The following NISCH variants were observed in gnomAD, a reference collection of about 807,000 sequenced individuals.
NISCH encodes the protein nischarin.
A neutral mutation model predicts 138.4 loss-of-function variants in NISCH; 55 were observed. The observed-to-expected ratio is 0.40, with a 90% CI of 0.32 to 0.50. The LOEUF (loss-of-function observed/expected upper bound fraction) is 0.50, where lower values mean the gene tolerates loss of function less well. Ranked by LOEUF, NISCH falls within the 20% of genes least tolerant of loss-of-function variation. The pLI is 0.71. For missense variants in NISCH, 1,643 were observed against 2,005.5 expected (o/e 0.82, Z 3.45); for synonymous variants, 860 against 861.5 (o/e 1.00, Z 0.03).
Position 52,492,732 on chromosome 3 carries a change from G to A in NISCH, c.*250G>A, listed in dbSNP as rs957905702. 1.5e-5 allele frequency: 8 copies of A among 535,616 alleles called. No individual in the cohort carries two copies. The highest frequency in any genetic ancestry group is 3.8e-5 in the African/African-American group (2 of 53,284). 33.2% of individuals were successfully genotyped at this position (535,616 alleles called of 1,614,324 possible). On this transcript the variant is annotated 3_prime_UTR_variant, in exon 21 of 21. Transcript: ENST00000345716. ...TGGTACAGCCGTGCACACCAGTGTC[G>A]TGTCTGCTGTTGTGGGACCGTTGTT...
At chr3:52,471,204 C>G (rs962762362) in intron 4 of NISCH, 19 of 497,134 alleles carry the variant, frequency 3.8e-5, no homozygotes, top group Non-Finnish European at 2.9e-5. Flanking sequence ...GAAGCTGACC[C>G]TGGGTCCCAT....
intron 5 of NISCH, 101 bp downstream of exon 5, chr3:52,472,078 C>T (rs542494113): frequency 1.3e-4 from 177 of 1,329,544 alleles, no homozygotes; most frequent in Non-Finnish European, 1.4e-4. Context: ...CCATGGGGGA[C>T]TGTTGGTGGA....
At chr3:52,479,716 C>T (rs375350325) in intron 11 of NISCH, 33 bp from the exon 12 acceptor site, 1 of 1,480,742 alleles carries the variant, frequency 6.8e-7, no homozygotes, top group African/African-American at 1.4e-5. Flanking sequence ...ATCACCAGTC[C>T]CCATGCTGAT....
chr3:52,477,778 A>T, intron 9 of NISCH, 136 bp downstream of exon 9: 2 of 722,970 alleles, frequency 2.8e-6, no homozygotes. Context: ...TTAGGATCCC[A>T]GCAATGCACT....
intron 11 of NISCH, 91 bp downstream of exon 11, chr3:52,478,668 C>G: frequency 8.3e-7 from 1 of 1,204,844 alleles, no homozygotes. Context: ...GTCCATTGTT[C>G]TACCCTTGCC....
chr3:52,459,344 TC>T (rs1229177394), intron 3 of NISCH, among the ~76,000 whole-genome samples: 6 of 152,198 alleles, frequency 3.9e-5, no homozygotes, highest in South Asian at 2.1e-4. Context: ...AGCTCTGTAC[TC>T]CGTCCTTGAA....
rs537052749 is a variant in NISCH at position 52,488,127 on chromosome 3, A to T, written c.2635A>T (p.Ile879Phe). The T allele has an allele frequency of 6.2e-7, 1 of 1,613,098 alleles. No homozygotes were observed. Among genetic ancestry groups the T allele is most frequent in the Admixed American group, 1.7e-5 (1 of 60,006 alleles). Residue 879 changes from isoleucine to phenylalanine, a missense_variant, in exon 16 of 21, where the codon ATC becomes TTC. Physicochemically the swap from Ile to Phe is conservative, Grantham distance 21. Transcript: ENST00000345716. Reference sequence around the variant, plus strand: ...GGCCGCCGGGGACTACTCAGGCAACATCGAGTGGGCCAGCTGCACACTCTG... The same window carrying T: ...GGCCGCCGGGGACTACTCAGGCAACTTCGAGTGGGCCAGCTGCACACTCTG... ...QTAAGDYSGNIEWASCTLCSA... is the reference protein window; with the variant it reads ...QTAAGDYSGNFEWASCTLCSA...
chr3:52,458,807 C>T lies in NISCH; in HGVS notation c.323C>T (p.Pro108Leu). ...KLLAAFPGVTPRVLAHFLHFH... is the reference protein window; with the variant it reads ...KLLAAFPGVTLRVLAHFLHFH... Reference sequence around the variant, plus strand: ...CTGGCTGCCTTCCCTGGCGTGACCCCCAGAGTACTGGCCCACTTCTTGCAT... The same window carrying T: ...CTGGCTGCCTTCCCTGGCGTGACCCTCAGAGTACTGGCCCACTTCTTGCAT... Residue 108 changes from proline to leucine, a missense_variant, in exon 3 of 21, where the codon CCC (proline) becomes CTC (leucine). Physicochemically the swap from Pro to Leu is moderately conservative, Grantham distance 98. Transcript: ENST00000345716. The T allele has an allele frequency of 6.2e-7, 1 of 1,610,814 alleles. No homozygotes were observed. The highest frequency in any genetic ancestry group is 8.5e-7 in the Non-Finnish European group (1 of 1,179,476).
At position 52,478,032 on chromosome 3, in the gene NISCH, T is replaced by G; in HGVS notation, c.988-65T>G. 3 of 1,548,984 alleles carry G rather than the reference T, an allele frequency of 1.9e-6. No homozygotes were observed. In the South Asian group the frequency reaches 3.4e-5, roughly 18 times the overall value. ...GTTGGAAGGCCCATCCTGCCATTAG[T>G]GTCAGGCCCCTATCTTTGGAGACTT... On this transcript the variant is annotated intron_variant, in intron 9 of 20. Coordinates refer to ENST00000345716, the MANE Select transcript of NISCH (RefSeq NM_007184.4).
Position 52,489,346 on chromosome 3 carries a change from C to A in NISCH, c.3124C>A (p.Arg1042Ser). The A allele has an allele frequency of 6.2e-7, 1 of 1,611,694 alleles. No individual in the cohort carries two copies. The highest frequency in any genetic ancestry group is 8.5e-7 in the Non-Finnish European group (1 of 1,179,296). ...TTTCGGGGGATACAGCAATGACCAG[C>A]GTCCCCAGGAGGTCCCAGCAGAGGC... ...PAERRASNDQRPQEVPAEALA... is the reference protein window; with the variant it reads ...PAERRASNDQSPQEVPAEALA... Residue 1042 changes from arginine to serine, a missense_variant, in exon 17 of 21, where the codon CGT (arginine) becomes AGT (serine). By Grantham distance (110) the Arg-to-Ser change is moderately radical (BLOSUM62 -1). Coordinates refer to ENST00000345716, the MANE Select transcript of NISCH (RefSeq NM_007184.4).
chr3:52,478,012 A>G, intron 9 of NISCH, 85 bp from the exon 10 acceptor site: 2 of 1,425,442 alleles, frequency 1.4e-6, no homozygotes. Context: ...TTTGGGTTGG[A>G]AGGCCCATCC....
At chr3:52,478,411 G>A (rs749053683) in intron 10 of NISCH, 38 bp from the exon 11 acceptor site, 1 of 1,613,470 alleles carries the variant, frequency 6.2e-7, no homozygotes, top group Non-Finnish European at 8.5e-7. Flanking sequence ...GAAGTGTTAA[G>A]AGAAGGGACC....
Position 52,487,528 on chromosome 3 carries a change from A to G in NISCH, c.2036A>G (p.Glu679Gly), listed in dbSNP as rs761996085. 8 of 1,606,070 alleles carry G rather than the reference A, an allele frequency of 5.0e-6. No individual in the cohort carries two copies. In the South Asian group the frequency reaches 6.6e-5, roughly 13 times the overall value. Reference protein sequence around the residue: ...GQGEEEEEEEEDEEAEEERLA... With the variant: ...GQGEEEEEEEGDEEAEEERLA... ...GGGGAGGAAGAGGAGGAGGAAGAGG[A>G]GGATGAAGAGGCCGAGGAGGAGCGC... is the stretch of plus-strand genomic sequence containing the variant. The change falls in exon 16 of 21, where the codon GAG (glutamate) becomes GGG (glycine). Residue 679 changes from glutamate (E) to glycine (G), a missense_variant. Physicochemically the swap from Glu to Gly is moderately conservative, Grantham distance 98 (BLOSUM62 -2). Transcript: ENST00000345716. The surrounding 1 kb of genome is among the most constrained non-coding windows in gnomAD (Gnocchi z 9.1).
chr3:52,487,591 TC>T lies in NISCH; in HGVS notation c.2101del (p.Leu701CysfsTer15). On this transcript the variant is annotated frameshift_variant, in exon 16 of 21. Coordinates refer to ENST00000345716, the MANE Select transcript of NISCH (RefSeq NM_007184.4). LOFTEE classifies it high-confidence loss of function. This position sits in a 1 kb window ranked among gnomAD's most constrained non-coding sequence, Gnocchi z 9.1. ...LEWALGADED[F>X]LLEHIRILKV... ...TGGGCCCTGGGCGCGGACGAGGACT[TC>T]CTGCTGGAGCACATCCGCATCCTCA... The T allele has an allele frequency of 6.2e-7, 1 of 1,613,672 alleles. No homozygotes were observed. The highest frequency in any genetic ancestry group is 2.2e-5 in the East Asian group (1 of 44,864).
chr3:52,480,510 A>G (rs1033323167), intron 13 of NISCH: 25 of 1,516,414 alleles, frequency 1.6e-5, no homozygotes, highest in Admixed American at 1.5e-4. Flanking sequence ...AGGACTCCCA[A>G]TTGCTCTGAT....
At chr3:52,482,777 G>A (rs991208032) in intron 13 of NISCH, among the ~76,000 whole-genome samples, 25 of 152,202 alleles carry the variant, frequency 1.6e-4, no homozygotes, top group Admixed American at 1.2e-3. Flanking sequence ...GGTAAATAAC[G>A]AGAGGCATGC....
At chr3:52,459,422 G>A (rs112833562) in intron 3 of NISCH, among the ~76,000 whole-genome samples, 5,210 of 152,284 alleles carry the variant, frequency 0.034, 291 homozygotes, top group African/African-American at 0.12. Flanking sequence ...GGGCACTTAG[G>A]CAGTGTGAAA....
intron 13 of NISCH, among the ~76,000 whole-genome samples, chr3:52,482,867 C>T (rs1179532882): frequency 6.6e-6 from 1 of 152,184 alleles, no homozygotes; most frequent in African/African-American, 2.4e-5. Context: ...TTTCCCACAT[C>T]CTTAGTAGGG....
chr3:52,466,580 A>G lies in NISCH; in HGVS notation c.361-4279A>G, dbSNP rs1706786308. Among the ~76,000 whole-genome samples the G allele has an allele frequency of 2.0e-5, 3 of 151,634 alleles. 1 individual carries two copies. In the South Asian group the frequency reaches 6.3e-4, roughly 32 times the overall value. On this transcript the variant is annotated intron_variant, in intron 3 of 20. Coordinates refer to ENST00000345716, the MANE Select transcript of NISCH (RefSeq NM_007184.4). ...CTCCATCTCAAAAAAAAAAAAAAAA[A>G]ATAGTGAGACAAGGATTCCAGCTCT...
Sources: allele counts gnomAD v4.1 joint callset (sites outside exome capture counted in the v4.1 genomes callset), GRCh38; gene constraint gnomAD v4.1.1; non-coding constraint Gnocchi (gnomAD v3.1); transcripts MANE v1.5; gene names NCBI Gene and HGNC (gene_info 2026-07-23, HGNC 2026-07-21).